The following HS6ST3 variants were observed in gnomAD, a reference collection of about 807,000 sequenced individuals.
The protein encoded by HS6ST3 is heparan-sulfate 6-O-sulfotransferase 3.
HS6ST3 carries 12 observed loss-of-function variants against 36.7 expected under a neutral mutation model. The observed-to-expected ratio is 0.33, with a 90% CI of 0.21 to 0.53. HS6ST3 has a LOEUF of 0.53. Ranked by LOEUF, HS6ST3 falls within the 20% of genes least tolerant of loss-of-function variation. The pLI, the probability that HS6ST3 is intolerant of heterozygous loss-of-function variation, is 0.95. For synonymous variants in HS6ST3, 240 were observed against 257.5 expected (o/e 0.93, Z 0.65); for missense variants, 584 against 640.9 (o/e 0.91, Z 0.96).
chr13:96,459,305 A>G (rs1350038607), intron 1 of HS6ST3, among the ~76,000 whole-genome samples: 1 of 152,044 alleles, frequency 6.6e-6, no homozygotes. Context: ...TCTGAAGGAA[A>G]GGAAGAAAAA....
chr13:96,332,808 T>C (rs1412432263), intron 1 of HS6ST3, among the ~76,000 whole-genome samples: 2 of 152,224 alleles, frequency 1.3e-5, no homozygotes, highest in East Asian at 1.9e-4. Flanking sequence ...CATAATACAT[T>C]GTCCTGGATA....
intron 1 of HS6ST3, among the ~76,000 whole-genome samples, chr13:96,496,500 A>C (rs1463288731): frequency 6.6e-6 from 1 of 152,134 alleles, no homozygotes; most frequent in Non-Finnish European, 1.5e-5. Context: ...CCAGCTGCCA[A>C]ATAAGAGATC....
intron 1 of HS6ST3, among the ~76,000 whole-genome samples, chr13:96,613,137 C>G (rs984912130): frequency 1.3e-5 from 2 of 152,170 alleles, no homozygotes; most frequent in Non-Finnish European, 2.9e-5. Flanking sequence ...GTGTTTATCA[C>G]CACTTGACCT....
At chr13:96,322,154 C>CT (rs1216318977) in intron 1 of HS6ST3, among the ~76,000 whole-genome samples, 1 of 152,146 alleles carries the variant, frequency 6.6e-6, no homozygotes, top group Non-Finnish European at 1.5e-5. Context: ...TTCTACCACT[C>CT]TATCTGTTCA....
intron 1 of HS6ST3, among the ~76,000 whole-genome samples, chr13:96,445,939 G>A (rs371676692): frequency 3.3e-5 from 5 of 152,106 alleles, no homozygotes; most frequent in East Asian, 1.9e-4. Context: ...TTGGGAGGCC[G>A]AGGCGGGCAG....
In HS6ST3 at chr13:96,837,033, T is replaced by C. The variant is rs977306940; in HGVS notation, c.*3835T>C. 1 of 152,216 alleles carries C rather than the reference T, an allele frequency of 6.6e-6. No homozygotes were observed. Among genetic ancestry groups the C allele is most frequent in the Non-Finnish European group, 1.5e-5 (1 of 68,052 alleles). The allele number at this position is 152,216 out of a possible 1,614,324, so 9.4% of individuals were successfully genotyped here. A position where few individuals can be genotyped will look rare whatever the true frequency, so the allele number is the denominator to read the frequency against. Reference sequence around the variant, plus strand: ...CAGTCACATCTCATGGGTTAAAACCTAGACATTTGCCACATCTAGCTGCAA... The same window carrying C: ...CAGTCACATCTCATGGGTTAAAACCCAGACATTTGCCACATCTAGCTGCAA... On this transcript the variant is annotated 3_prime_UTR_variant, in exon 2 of 2. Transcript: ENST00000376705.
At chr13:96,144,556 T>C (rs1224234016) in intron 1 of HS6ST3, among the ~76,000 whole-genome samples, 5 of 152,078 alleles carry the variant, frequency 3.3e-5, no homozygotes, top group African/African-American at 1.2e-4. Context: ...TAATCATGTA[T>C]AAAAATACCT....
chr13:96,157,390 A>G lies in HS6ST3; in HGVS notation c.707+65821A>G, dbSNP rs561996688. 5.9e-5 allele frequency among the ~76,000 whole-genome samples: 9 copies of G among 152,354 alleles called. No individual in the cohort carries two copies. The East Asian group carries it at 1.5e-3, about 26-fold the overall frequency. ...TGGAAAATAAGAAAGGATCAAAAGA[A>G]TTTTATAAAACAAAATGTCAGCTGG... On this transcript the variant is annotated intron_variant, in intron 1 of 1. Coordinates refer to ENST00000376705, the MANE Select transcript of HS6ST3 (RefSeq NM_153456.4).
At chr13:96,156,627 A>G (rs1405973608) in intron 1 of HS6ST3, among the ~76,000 whole-genome samples, 1 of 152,136 alleles carries the variant, frequency 6.6e-6, no homozygotes, top group Non-Finnish European at 1.5e-5. Context: ...TTTTGAGGAC[A>G]TGGGCTTTGT....
At chr13:96,208,433 T>C (rs933459013) in intron 1 of HS6ST3, among the ~76,000 whole-genome samples, 3 of 152,210 alleles carry the variant, frequency 2.0e-5, no homozygotes, top group African/African-American at 4.8e-5. Flanking sequence ...CAATTCTTTC[T>C]GTAGGATGAA....
At chr13:96,656,611 A>G (rs2056625809) in intron 1 of HS6ST3, among the ~76,000 whole-genome samples, 2 of 152,156 alleles carry the variant, frequency 1.3e-5, no homozygotes, top group Non-Finnish European at 2.9e-5. Context: ...CTTTGGGCTC[A>G]AGGTCAGGGT....
At chr13:96,221,488 T>A (rs896109444) in intron 1 of HS6ST3, among the ~76,000 whole-genome samples, 46 of 152,126 alleles carry the variant, frequency 3.0e-4, no homozygotes, top group African/African-American at 1.1e-3. Context: ...ATTTTTTGAG[T>A]GAATGTGATC....
chr13:96,617,803 C>G (rs2138992679), intron 1 of HS6ST3, among the ~76,000 whole-genome samples: 1 of 152,240 alleles, frequency 6.6e-6, no homozygotes, highest in East Asian at 1.9e-4. Context: ...GGAGGTGGAG[C>G]CCAGATATCT....
At chr13:96,291,383 G>A (rs2054829150) in intron 1 of HS6ST3, among the ~76,000 whole-genome samples, 1 of 152,160 alleles carries the variant, frequency 6.6e-6, no homozygotes, top group African/African-American at 2.4e-5. Context: ...ACAGAGTGAG[G>A]CACTCTTGAT....
chr13:96,641,983 G>T (rs1460749266), intron 1 of HS6ST3, among the ~76,000 whole-genome samples: 6 of 151,666 alleles, frequency 4.0e-5, no homozygotes. Flanking sequence ...AGATTTACCA[G>T]TTCTCTTTAT....
At chr13:96,715,918 T>C (rs1875683749) in intron 1 of HS6ST3, among the ~76,000 whole-genome samples, 1 of 152,086 alleles carries the variant, frequency 6.6e-6, no homozygotes, top group Non-Finnish European at 1.5e-5. Flanking sequence ...TTCCCTTCCA[T>C]CTCTGAGACT....
Position 96,310,525 on chromosome 13 carries a change from C to T in HS6ST3, c.707+218956C>T, listed in dbSNP as rs929154206. ...CAGTACTGAAAAGAATGGGAGATGC[C>T]CATATTATCCATACAATTAGAAAAG... On this transcript the variant is annotated intron_variant, in intron 1 of 1. Transcript: ENST00000376705. Among the ~76,000 whole-genome samples, 2 of 152,006 alleles carry T rather than the reference C, an allele frequency of 1.3e-5. 1 individual carries two copies. The highest frequency in any genetic ancestry group is 4.8e-5 in the African/African-American group (2 of 41,402).
At chr13:96,433,966 T>A (rs563289604) in intron 1 of HS6ST3, among the ~76,000 whole-genome samples, 1 of 152,166 alleles carries the variant, frequency 6.6e-6, no homozygotes, top group African/African-American at 2.4e-5. Context: ...CTTCTTTTCT[T>A]TATAAACTGC....
intron 1 of HS6ST3, among the ~76,000 whole-genome samples, chr13:96,356,064 A>G (rs1475864838): frequency 6.6e-6 from 1 of 152,194 alleles, no homozygotes; most frequent in Non-Finnish European, 1.5e-5. Flanking sequence ...ATTCAGCCAC[A>G]TATTCAGGCT....
Sources: gnomAD v4.1 joint callset for allele counts (sites outside exome capture counted in the v4.1 genomes callset) on GRCh38, gnomAD v4.1.1 for gene constraint, MANE v1.5 for transcripts, NCBI Gene and HGNC (gene_info 2026-07-23, HGNC 2026-07-21) for gene names.